The following BCR variants were observed in gnomAD, a reference collection of about 807,000 sequenced individuals.
BCR encodes the protein breakpoint cluster region protein.
Under a neutral mutation model 138.6 loss-of-function variants are expected in BCR, and 58 were observed. That is an observed-to-expected ratio of 0.42 (90% CI 0.34 to 0.52). The LOEUF (loss-of-function observed/expected upper bound fraction) is 0.52. Ranked by LOEUF, BCR falls within the 20% of genes least tolerant of loss-of-function variation. BCR has a pLI of 0.06. For synonymous variants in BCR, 786 were observed against 730.1 expected (o/e 1.08, Z -1.23); for missense variants, 1,599 against 1,727.2 (o/e 0.93, Z 1.32).
At chr22:23,238,049 C>A (rs1037830909) in intron 1 of BCR, among the ~76,000 whole-genome samples, 5 of 152,126 alleles carry the variant, frequency 3.3e-5, no homozygotes, top group African/African-American at 1.2e-4. Flanking sequence ...TGACACCTCG[C>A]AGGGAGCGTG....
chr22:23,281,176 C>T (rs1455141393), intron 8 of BCR, among the ~76,000 whole-genome samples: 4 of 152,246 alleles, frequency 2.6e-5, no homozygotes, highest in Non-Finnish European at 5.9e-5. Flanking sequence ...TACACAGACT[C>T]CCATGGCCCC....
At chr22:23,257,048 C>T (rs1312925388) in intron 2 of BCR, among the ~76,000 whole-genome samples, 2 of 152,168 alleles carry the variant, frequency 1.3e-5, no homozygotes, top group Admixed American at 6.5e-5. Context: ...GCATTCACGT[C>T]CTTTCCCATA....
chr22:23,190,320 A>G (rs2072397900), intron 1 of BCR, among the ~76,000 whole-genome samples: 1 of 152,114 alleles, frequency 6.6e-6, no homozygotes, highest in Admixed American at 6.5e-5. Context: ...GGTGCCTGCC[A>G]ACACACCTGG....
chr22:23,245,873 C>T (rs555987776), intron 1 of BCR, among the ~76,000 whole-genome samples: 7 of 152,138 alleles, frequency 4.6e-5, no homozygotes, highest in African/African-American at 1.7e-4. Context: ...TGAACAATTC[C>T]GTGGCTTTTA....
intron 1 of BCR, among the ~76,000 whole-genome samples, chr22:23,204,771 C>T (rs1395441358): frequency 6.6e-6 from 1 of 152,182 alleles, no homozygotes; most frequent in African/African-American, 2.4e-5. Context: ...AAGTGCAGAG[C>T]GTGGGCAGCG....
chr22:23,255,427 C>A (rs1319227414), intron 2 of BCR, among the ~76,000 whole-genome samples: 5 of 152,182 alleles, frequency 3.3e-5, no homozygotes, highest in Admixed American at 2.6e-4. Flanking sequence ...CTTCCTGATT[C>A]TTCAATGGGC....
chr22:23,212,457 C>T (rs6003556), intron 1 of BCR, among the ~76,000 whole-genome samples: 343 of 152,312 alleles, frequency 2.3e-3, no homozygotes, highest in African/African-American at 7.7e-3. Context: ...ACAGGGAGTA[C>T]ACTGGCTTCT....
At chr22:23,275,861 C>T (rs1259064838) in intron 8 of BCR, among the ~76,000 whole-genome samples, 2 of 152,208 alleles carry the variant, frequency 1.3e-5, no homozygotes, top group Non-Finnish European at 2.9e-5. Context: ...TTTCCCATGG[C>T]TTCTCCTGTG....
chr22:23,292,781 C>G (rs2073803122), intron 15 of BCR, 143 bp downstream of exon 15: 1 of 634,660 alleles, frequency 1.6e-6, no homozygotes, highest in African/African-American at 1.9e-5. Flanking sequence ...TCCTGGGGGG[C>G]CAGTAGGTGA....
intron 1 of BCR, among the ~76,000 whole-genome samples, chr22:23,231,622 G>A (rs2072959989): frequency 2.0e-5 from 3 of 152,226 alleles, no homozygotes; most frequent in Admixed American, 2.0e-4. Context: ...CCATGCCTGA[G>A]CTGGCTGTGC....
intron 1 of BCR, among the ~76,000 whole-genome samples, chr22:23,225,481 G>A (rs942613399): frequency 3.9e-5 from 6 of 152,174 alleles, no homozygotes; most frequent in Admixed American, 1.3e-4. Context: ...GCTCTTGCAC[G>A]GGGACCTGGA....
chr22:23,257,305 G>A (rs552903140), intron 2 of BCR, among the ~76,000 whole-genome samples: 6 of 152,254 alleles, frequency 3.9e-5, no homozygotes, highest in African/African-American at 9.6e-5. Context: ...TTCAGAACAC[G>A]GAGGGAGAGC....
At chr22:23,260,193 A>G (rs549373383) in intron 2 of BCR, among the ~76,000 whole-genome samples, 7 of 152,296 alleles carry the variant, frequency 4.6e-5, no homozygotes, top group Non-Finnish European at 8.8e-5. Context: ...TCAACATCCA[A>G]CAATGTGTCA....
At chr22:23,300,221 C>T (rs946419542) in intron 16 of BCR, among the ~76,000 whole-genome samples, 3 of 152,144 alleles carry the variant, frequency 2.0e-5, no homozygotes, top group Non-Finnish European at 2.9e-5. Flanking sequence ...TTCCTCCTGC[C>T]CCCAGCTCCT....
intron 9 of BCR, 33 bp downstream of exon 9, chr22:23,284,131 G>A (rs1785365144): frequency 2.5e-6 from 4 of 1,610,044 alleles, no homozygotes; most frequent in Non-Finnish European, 3.4e-6. Context: ...TCCCAGCAGT[G>A]ACCCCACCCT....
intron 16 of BCR, among the ~76,000 whole-genome samples, chr22:23,307,386 G>C (rs1396766660): frequency 2.7e-5 from 4 of 150,266 alleles, no homozygotes; most frequent in Non-Finnish European, 4.4e-5. Context: ...TCACAGGCAG[G>C]GTTTCCATTT....
intron 1 of BCR, among the ~76,000 whole-genome samples, chr22:23,226,892 G>T (rs557917830): frequency 2.6e-5 from 4 of 152,282 alleles, no homozygotes; most frequent in African/African-American, 7.2e-5. Flanking sequence ...CCTGAAAGGG[G>T]CCAGAAGTCC....
chr22:23,263,968 T>A lies in BCR; in HGVS notation c.1752+2428T>A, dbSNP rs2073404443. The A allele has an allele frequency of 3.4e-6, 3 of 889,726 alleles. No individual in the cohort carries two copies. In the Admixed American group the frequency reaches 5.1e-5, roughly 15 times the overall value. The allele number at this position is 889,726 out of a possible 1,614,324, so 55.1% of individuals were successfully genotyped here. ...TGGGACCTCAACAGTGGGCAGCTGA[T>A]GACACACTTGGACAGAGACTTTCCC... On this transcript the variant is annotated intron_variant, in intron 4 of 22. Coordinates refer to ENST00000305877, the MANE Select transcript of BCR (RefSeq NM_004327.4).
At chr22:23,187,668 A>C (rs2072363123) in intron 1 of BCR, among the ~76,000 whole-genome samples, 1 of 152,020 alleles carries the variant, frequency 6.6e-6, no homozygotes, top group Non-Finnish European at 1.5e-5. Flanking sequence ...ATTGAGACAT[A>C]ATAATTGTAC....
Sources: gnomAD v4.1 joint callset for allele counts (sites outside exome capture counted in the v4.1 genomes callset) on GRCh38, gnomAD v4.1.1 for gene constraint, MANE v1.5 for transcripts, NCBI Gene and HGNC (gene_info 2026-07-23, HGNC 2026-07-21) for gene names.